RANBP3L: variants seen among roughly 807,000 people sequenced by gnomAD.
RANBP3L encodes the protein ran-binding protein 3-like.
RANBP3L carries 56 observed loss-of-function variants against 67.2 expected under a neutral mutation model. That is an observed-to-expected ratio of 0.83 (90% CI 0.67 to 1.04). RANBP3L has a LOEUF of 1.04. RANBP3L is among the 50% of genes least tolerant of loss of function. The probability of loss-of-function intolerance (pLI) is 0.00; values close to 1 mark genes in which losing one functional copy is unlikely to be tolerated. For synonymous variants in RANBP3L, 164 were observed against 181.4 expected (o/e 0.90, Z 0.77); for missense variants, 496 against 535.5 (o/e 0.93, Z 0.73).
chr5:36,277,315 G>A (rs1457020783), intron 1 of RANBP3L, among the ~76,000 whole-genome samples: 1 of 151,738 alleles, frequency 6.6e-6, no homozygotes, highest in Non-Finnish European at 1.5e-5. Flanking sequence ...TCTTTGGCTT[G>A]TCAAAGCATG....
intron 1 of RANBP3L, among the ~76,000 whole-genome samples, chr5:36,287,203 G>A (rs535139591): frequency 6.6e-5 from 10 of 152,278 alleles, no homozygotes; most frequent in Non-Finnish European, 1.3e-4. Context: ...GATCTGACAG[G>A]AGGCGGAGCT....
At position 36,247,137 on chromosome 5, in the gene RANBP3L, C is replaced by T. The variant is rs1434386007; in HGVS notation, c.*2517G>A. The stretch of plus-strand genomic sequence containing the variant: ...GGATGTTATTGTACAACTCATCTCT[C>T]CTTATAAAAGGAGAACAAAGGACAT... On this transcript the variant is annotated 3_prime_UTR_variant, in exon 14 of 14. Transcript: ENST00000296604. Among the ~76,000 whole-genome samples, 4 of 152,080 alleles carry T rather than the reference C, an allele frequency of 2.6e-5. No individual in the cohort carries two copies. The highest frequency in any genetic ancestry group is 5.9e-5 in the Non-Finnish European group (4 of 68,016).
chr5:36,277,440 ATGTGTGTGTGTGTGTGTGTG>A (rs149996886), intron 1 of RANBP3L, among the ~76,000 whole-genome samples: 17 of 115,028 alleles, frequency 1.5e-4, no homozygotes, highest in East Asian at 4.6e-4. Context: ...ATATATATAT[ATGTGTGTGTGTGTGTGTGTG>A]TGTGTGTGTG....
intron 3 of RANBP3L, 34 bp downstream of exon 3, chr5:36,269,917 G>T (rs768196922): frequency 1.3e-6 from 2 of 1,570,466 alleles, no homozygotes; most frequent in Non-Finnish European, 1.8e-6. Flanking sequence ...TTTGTATAAA[G>T]ATTGATTTTG....
At position 36,301,457 on chromosome 5, in the gene RANBP3L, A is replaced by G; in HGVS notation, c.-41T>C. On this transcript the variant is annotated 5_prime_UTR_variant, in exon 1 of 14. Coordinates refer to ENST00000296604, the MANE Select transcript of RANBP3L (RefSeq NM_145000.5). ...GCTGTGACTCAAGGATCACTAGGGC[A>G]CCTCCTTCTCTGGCCAGTCACCTAA... 6.6e-7 allele frequency: 1 copy of G among 1,509,138 alleles called. No individual in the cohort carries two copies. The highest frequency in any genetic ancestry group is 1.1e-5 in the South Asian group (1 of 88,932). The allele number at this position is 1,509,138 out of a possible 1,614,324, so 93.5% of individuals were successfully genotyped here.
chr5:36,272,482 A>G (rs576677948), intron 1 of RANBP3L, among the ~76,000 whole-genome samples: 41 of 152,360 alleles, frequency 2.7e-4, no homozygotes, highest in South Asian at 6.2e-4. Context: ...TTTAAATGCC[A>G]GAAAGGGATT....
chr5:36,288,264 A>G (rs974061539), intron 1 of RANBP3L, among the ~76,000 whole-genome samples: 3 of 152,278 alleles, frequency 2.0e-5, no homozygotes, highest in Middle Eastern at 3.4e-3. Context: ...TTTTCACTCA[A>G]TAAAACATTT....
At chr5:36,283,358 C>A (rs4869638) in intron 1 of RANBP3L, among the ~76,000 whole-genome samples, 7,182 of 148,074 alleles carry the variant, frequency 0.049, 590 homozygotes, top group East Asian at 0.37. Context: ...ACACCCAGCA[C>A]GTTAATTTAA....
At chr5:36,270,528 C>T (rs905365901) in intron 2 of RANBP3L, among the ~76,000 whole-genome samples, 2 of 152,098 alleles carry the variant, frequency 1.3e-5, no homozygotes, top group Admixed American at 6.5e-5. Flanking sequence ...CTTTTTCTGT[C>T]ACCCAGGCTG....
chr5:36,257,173 A>G, intron 9 of RANBP3L, 102 bp from the exon 10 acceptor site: 1 of 961,288 alleles, frequency 1.0e-6, no homozygotes, highest in Non-Finnish European at 1.5e-6. Flanking sequence ...GGCTTCTTCT[A>G]GTAGTAAGTG....
At chr5:36,293,399 C>T (rs2112129780) in intron 1 of RANBP3L, among the ~76,000 whole-genome samples, 1 of 147,354 alleles carries the variant, frequency 6.8e-6, no homozygotes, top group African/African-American at 2.5e-5. Context: ...TTATTTCCTT[C>T]TCCTGCCTAA....
chr5:36,253,840 A>T, intron 11 of RANBP3L, 51 bp from the exon 12 acceptor site: 1 of 1,524,334 alleles, frequency 6.6e-7, no homozygotes, highest in Non-Finnish European at 8.8e-7. Flanking sequence ...GACACGGAGG[A>T]ATTTACCATT....
At chr5:36,288,813 T>C (rs1215062547) in intron 1 of RANBP3L, among the ~76,000 whole-genome samples, 1 of 152,148 alleles carries the variant, frequency 6.6e-6, no homozygotes. Flanking sequence ...TTAAATCAAA[T>C]TGTTTATCAT....
At chr5:36,275,677 A>C (rs554617357) in intron 1 of RANBP3L, among the ~76,000 whole-genome samples, 3 of 152,190 alleles carry the variant, frequency 2.0e-5, no homozygotes, top group Non-Finnish European at 4.4e-5. Flanking sequence ...TAATAGCAAC[A>C]AAATTTTGGA....
chr5:36,277,440 A>ATGTGTG (rs149996886), intron 1 of RANBP3L, among the ~76,000 whole-genome samples: 61 of 115,024 alleles, frequency 5.3e-4, no homozygotes, highest in African/African-American at 2.0e-3. Flanking sequence ...ATATATATAT[A>ATGTGTG]TGTGTGTGTG....
At chr5:36,282,379 C>T (rs1483241205) in intron 1 of RANBP3L, among the ~76,000 whole-genome samples, 1 of 152,144 alleles carries the variant, frequency 6.6e-6, no homozygotes, top group Non-Finnish European at 1.5e-5. Context: ...CACAAAATAT[C>T]ATATCAGTAA....
At chr5:36,267,979 T>C (rs1749930515) in intron 4 of RANBP3L, among the ~76,000 whole-genome samples, 1 of 152,210 alleles carries the variant, frequency 6.6e-6, no homozygotes, top group African/African-American at 2.4e-5. Flanking sequence ...TAAAAAAACA[T>C]GAAGTTCAAA....
intron 1 of RANBP3L, among the ~76,000 whole-genome samples, chr5:36,294,757 G>C (rs1382894608): frequency 6.7e-6 from 1 of 149,076 alleles, no homozygotes; most frequent in African/African-American, 2.5e-5. Flanking sequence ...TATATGTATA[G>C]TGTGTGTATA....
chr5:36,293,092 A>G (rs1211005997), intron 1 of RANBP3L, among the ~76,000 whole-genome samples: 3 of 109,698 alleles, frequency 2.7e-5, no homozygotes, highest in African/African-American at 1.1e-4. Flanking sequence ...AGTGGTTTGT[A>G]GTTCTCCTTG....
Sources: gnomAD v4.1 joint callset for allele counts (sites outside exome capture counted in the v4.1 genomes callset) on GRCh38, gnomAD v4.1.1 for gene constraint, MANE v1.5 for transcripts, NCBI Gene and HGNC (gene_info 2026-07-23, HGNC 2026-07-21) for gene names.